Variants in EYS observed in about 807,000 individuals in gnomAD.
EYS encodes the protein EGF-like photoreceptor maintenance factor, also known as protein eyes shut homolog.
Under a neutral mutation model 282.1 loss-of-function variants are expected in EYS, and 250 were observed. The observed-to-expected ratio is 0.89, with a 90% CI of 0.80 to 0.98. The LOEUF (loss-of-function observed/expected upper bound fraction) is 0.98, where lower values mean the gene tolerates loss of function less well. EYS is among the 50% of genes least tolerant of loss of function. The pLI, the probability that EYS is intolerant of heterozygous loss-of-function variation, is 0.00. For missense variants in EYS, 4,016 were observed against 3,709.0 expected (o/e 1.08, Z -2.15); for synonymous variants, 1,355 against 1,282.9 (o/e 1.06, Z -1.20).
chr6:64,507,282 A>G (rs986977840), intron 26 of EYS, among the ~76,000 whole-genome samples: 3 of 152,148 alleles, frequency 2.0e-5, no homozygotes, highest in Non-Finnish European at 4.4e-5. Context: ...CAACATTCTC[A>G]GCAAACTATT....
chr6:64,889,940 C>T (rs1410074706), intron 18 of EYS, among the ~76,000 whole-genome samples: 1 of 151,814 alleles, frequency 6.6e-6, no homozygotes. Context: ...AGCCATATTT[C>T]TCTTCTTTCA....
intron 37 of EYS, among the ~76,000 whole-genome samples, chr6:63,801,844 T>C (rs1205977129): frequency 2.6e-5 from 4 of 152,210 alleles, no homozygotes; most frequent in Non-Finnish European, 5.9e-5. Flanking sequence ...AAGACTATCA[T>C]CAGTGTTGTC....
At chr6:65,624,852 T>G (rs553599095) in intron 2 of EYS, among the ~76,000 whole-genome samples, 1 of 152,326 alleles carries the variant, frequency 6.6e-6, no homozygotes, top group African/African-American at 2.4e-5. Context: ...GCTTCCCTAC[T>G]TTTCAGATTT....
At chr6:65,615,384 ATT>A (rs1023475205) in intron 2 of EYS, among the ~76,000 whole-genome samples, 3 of 90,412 alleles carry the variant, frequency 3.3e-5, no homozygotes, top group East Asian at 2.9e-4. Context: ...CATTTTATTT[ATT>A]TATATATATA....
chr6:64,025,109 T>A (rs569298022), intron 33 of EYS, among the ~76,000 whole-genome samples: 1 of 152,148 alleles, frequency 6.6e-6, no homozygotes, highest in African/African-American at 2.4e-5. Context: ...TTCCTTAGAA[T>A]TCGGGGGCTA....
At chr6:64,600,733 C>T (rs2149837985) in intron 24 of EYS, among the ~76,000 whole-genome samples, 1 of 152,142 alleles carries the variant, frequency 6.6e-6, no homozygotes, top group East Asian at 1.9e-4. Flanking sequence ...TGATGGCTGG[C>T]ACATACTGAT....
intron 31 of EYS, among the ~76,000 whole-genome samples, chr6:64,227,575 TAGATCTCTCATTTGTA>T (rs1463766346): frequency 6.6e-6 from 1 of 152,100 alleles, no homozygotes; most frequent in African/African-American, 2.4e-5. Context: ...CTCAAGGCTT[TAGATCTCTCATTTGTA>T]AATGGGGGTA....
intron 2 of EYS, among the ~76,000 whole-genome samples, chr6:65,527,308 T>A (rs1394230572): frequency 6.6e-6 from 1 of 152,188 alleles, no homozygotes; most frequent in Non-Finnish European, 1.5e-5. Context: ...GACTAATTAA[T>A]GGTAGAGAAA....
At position 64,938,737 on chromosome 6, in the gene EYS, G is replaced by A. The variant is rs57302445; in HGVS notation, c.2381+7056C>T. The stretch of plus-strand genomic sequence containing the variant: ...GCATGTTTAAGGGAGGCTAGGATAA[G>A]CTATGATATTCAGTAAGTATATTAA... On this transcript the variant is annotated intron_variant, in intron 15 of 42. Coordinates refer to ENST00000503581, the MANE Select transcript of EYS (RefSeq NM_001142800.2). 2.6e-3 allele frequency among the ~76,000 whole-genome samples: 394 copies of A among 151,720 alleles called. 3 individuals carry two copies. The highest frequency in any genetic ancestry group is 9.2e-3 in the African/African-American group (380 of 41,478).
intron 12 of EYS, among the ~76,000 whole-genome samples, chr6:65,190,265 A>G (rs1418055265): frequency 6.8e-6 from 1 of 148,044 alleles, no homozygotes; most frequent in East Asian, 2.0e-4. Context: ...TTTAATTTAT[A>G]TATTTATATG....
In EYS at chr6:64,961,973, G is replaced by C. The variant is rs527252295; in HGVS notation, c.2260-16059C>G. 2.8e-4 allele frequency among the ~76,000 whole-genome samples: 42 copies of C among 152,200 alleles called. No homozygotes were observed. The South Asian group carries it at 8.7e-3, about 32-fold the overall frequency. On this transcript the variant is annotated intron_variant, in intron 14 of 42. Transcript: ENST00000503581. ...AGTATTTTAAAATTCTCAATCCAGAGTTTTCATTCTTCAACTCTAGTGAAG... is the reference window on the plus strand; with the variant it reads ...AGTATTTTAAAATTCTCAATCCAGACTTTTCATTCTTCAACTCTAGTGAAG...
chr6:65,294,539 T>G (rs1768609868), intron 12 of EYS, among the ~76,000 whole-genome samples: 1 of 151,862 alleles, frequency 6.6e-6, no homozygotes, highest in South Asian at 2.1e-4. Context: ...ATATAGTTTA[T>G]ACACAATATA....
intron 42 of EYS, among the ~76,000 whole-genome samples, chr6:63,724,285 G>A (rs1214096955): frequency 1.3e-5 from 2 of 152,066 alleles, no homozygotes; most frequent in Admixed American, 6.6e-5. Flanking sequence ...CTATCCCACC[G>A]TGCTTTATTA....
At chr6:64,860,657 C>T (rs1766206880) in intron 19 of EYS, among the ~76,000 whole-genome samples, 1 of 152,228 alleles carries the variant, frequency 6.6e-6, no homozygotes, top group African/African-American at 2.4e-5. Flanking sequence ...GCTGTTTTCT[C>T]TTTCTTGTTG....
chr6:64,383,551 G>C (rs1475120551), intron 29 of EYS, among the ~76,000 whole-genome samples: 2 of 152,150 alleles, frequency 1.3e-5, no homozygotes, highest in African/African-American at 4.8e-5. Context: ...CTTCTAGAAG[G>C]AGCAATGGGT....
At chr6:64,158,741 A>G (rs900191564) in intron 31 of EYS, among the ~76,000 whole-genome samples, 5 of 152,166 alleles carry the variant, frequency 3.3e-5, no homozygotes, top group African/African-American at 1.2e-4. Flanking sequence ...TAAGTTACCT[A>G]TCAAACTGCA....
chr6:64,822,994 G>T (rs141160182), intron 19 of EYS, among the ~76,000 whole-genome samples, 172 bp from the exon 20 acceptor site: 1,597 of 152,056 alleles, frequency 0.011, 17 homozygotes, highest in Middle Eastern at 0.034. Context: ...TTAGGTCTAT[G>T]AATGTTCAGA....
chr6:64,868,100 AT>A (rs1766480968), intron 19 of EYS, among the ~76,000 whole-genome samples: 2 of 151,420 alleles, frequency 1.3e-5, no homozygotes, highest in South Asian at 2.1e-4. Flanking sequence ...GTCTTTATTA[AT>A]TCATTTACAT....
chr6:64,129,374 G>T (rs1267524863), intron 31 of EYS, among the ~76,000 whole-genome samples: 1 of 152,174 alleles, frequency 6.6e-6, no homozygotes, highest in African/African-American at 2.4e-5. Flanking sequence ...CTGATGGCCA[G>T]TGATGATGAA....
Sources: gnomAD v4.1 joint callset for allele counts (sites outside exome capture counted in the v4.1 genomes callset) on GRCh38, gnomAD v4.1.1 for gene constraint, MANE v1.5 for transcripts, NCBI Gene and HGNC (gene_info 2026-07-23, HGNC 2026-07-21) for gene names.